Variants in LARP1B observed in about 807,000 individuals in gnomAD.
The protein encoded by LARP1B is La ribonucleoprotein 1B, also known as la-related protein 1B.
Under a neutral mutation model 114.2 loss-of-function variants are expected in LARP1B, and 76 were observed. The observed-to-expected ratio is 0.67, with a 90% CI of 0.55 to 0.81. The LOEUF (loss-of-function observed/expected upper bound fraction) is 0.81. Ranked by LOEUF, LARP1B falls within the 30% of genes least tolerant of loss-of-function variation. LARP1B has a pLI of 0.00. For missense variants in LARP1B, 1,014 were observed against 1,075.8 expected (o/e 0.94, Z 0.80); for synonymous variants, 345 against 348.0 (o/e 0.99, Z 0.10).
At chr4:128,221,622 T>C (rs1227092842) in intron 7 of LARP1B, among the ~76,000 whole-genome samples, 1 of 152,222 alleles carries the variant, frequency 6.6e-6, no homozygotes, top group Non-Finnish European at 1.5e-5. Flanking sequence ...TGTTTTAAGA[T>C]TCATTAGACT....
At chr4:128,155,216 G>A (rs1227426885) in intron 11 of LARP1B, among the ~76,000 whole-genome samples, 1 of 152,232 alleles carries the variant, frequency 6.6e-6, no homozygotes, top group Non-Finnish European at 1.5e-5. Flanking sequence ...AGTTGTGGTA[G>A]ACTGGCTAAT....
intron 12 of LARP1B, among the ~76,000 whole-genome samples, chr4:128,166,208 A>G (rs1021660082): frequency 6.6e-6 from 1 of 151,926 alleles, no homozygotes; most frequent in Non-Finnish European, 1.5e-5. Context: ...CCATTTTTCC[A>G]GTTGCACAGG....
chr4:128,070,585 C>T (rs771626070), intron 1 of LARP1B, among the ~76,000 whole-genome samples: 7 of 152,118 alleles, frequency 4.6e-5, no homozygotes, highest in South Asian at 2.1e-4. Context: ...TGCTTGAACC[C>T]GGGAGGCGGA....
chr4:128,136,982 AAAC>A (rs1186874223), intron 11 of LARP1B, among the ~76,000 whole-genome samples: 1 of 152,190 alleles, frequency 6.6e-6, no homozygotes, highest in Non-Finnish European at 1.5e-5. Flanking sequence ...TTTTTAAATT[AAAC>A]AACTCAGCAT....
At position 128,061,910 on chromosome 4, in the gene LARP1B, C is replaced by G. The variant is rs562473270; in HGVS notation, c.-78+509C>G. On this transcript the variant is annotated intron_variant, in intron 1 of 19. Transcript: ENST00000326639. Reference sequence around the variant, plus strand: ...GCCGTCGCCGGCGCTGGTGCTGGGACGCAGCGTGCCCCAGGCGGCTGTCCC... The same window carrying G: ...GCCGTCGCCGGCGCTGGTGCTGGGAGGCAGCGTGCCCCAGGCGGCTGTCCC... The G allele has an allele frequency of 2.4e-5, 24 of 985,224 alleles. No individual in the cohort carries two copies. The South Asian group carries it at 1.0e-3, about 42-fold the overall frequency. The allele number at this position is 985,224 out of a possible 1,614,324, so 61.0% of individuals were successfully genotyped here.
rs529085008 is a variant in LARP1B, at chr4:128,105,725, A to G, written c.814-1414A>G. ...GCCAACTTGGTGAAACCCCGTCTCT[A>G]CTAAAAGTACAAAAAAATTAGCCGG... On this transcript the variant is annotated intron_variant, in intron 8 of 19. Transcript: ENST00000326639. Among the ~76,000 whole-genome samples, 41 of 152,124 alleles carry G rather than the reference A, an allele frequency of 2.7e-4. No individual in the cohort carries two copies. In the East Asian group the frequency reaches 7.8e-3, roughly 29 times the overall value.
chr4:128,156,079 C>G, intron 11 of LARP1B: 2 of 1,598,912 alleles, frequency 1.3e-6, no homozygotes, highest in East Asian at 2.2e-5. Flanking sequence ...TCCTTTCACC[C>G]CCAGCCTGGT....
intron 19 of LARP1B, among the ~76,000 whole-genome samples, chr4:128,207,584 G>T (rs932116400): frequency 2.6e-5 from 4 of 152,172 alleles, no homozygotes; most frequent in African/African-American, 2.4e-5. Flanking sequence ...TTAACATCTT[G>T]TATAACCACA....
intron 11 of LARP1B, among the ~76,000 whole-genome samples, chr4:128,132,285 C>T (rs1489795183): frequency 6.6e-6 from 1 of 152,090 alleles, no homozygotes; most frequent in African/African-American, 2.4e-5. Context: ...TACTCTGTCG[C>T]CCTGGCTGGA....
rs1758738073 is a variant in LARP1B, at chr4:128,210,247, A to G, written c.*194A>G. The G allele has an allele frequency of 2.1e-6, 3 of 1,402,982 alleles. No individual in the cohort carries two copies. The highest frequency in any genetic ancestry group is 2.8e-6 in the Non-Finnish European group (3 of 1,083,066). 86.9% of individuals were successfully genotyped at this position (1,402,982 alleles called of 1,614,324 possible). A position where few individuals can be genotyped will look rare whatever the true frequency, so the allele number is the denominator to read the frequency against. Reference sequence around the variant, plus strand: ...GGTAGCATTTTTTCTAACAAGATAAATTCTAAAAATGTTTTCCCTGATTTC... The same window carrying G: ...GGTAGCATTTTTTCTAACAAGATAAGTTCTAAAAATGTTTTCCCTGATTTC... On this transcript the variant is annotated 3_prime_UTR_variant, in exon 20 of 20. Coordinates refer to ENST00000326639, the MANE Select transcript of LARP1B (RefSeq NM_018078.4).
chr4:128,120,360 T>C (rs1188925654), intron 10 of LARP1B, among the ~76,000 whole-genome samples: 1 of 152,198 alleles, frequency 6.6e-6, no homozygotes, highest in Non-Finnish European at 1.5e-5. Context: ...AACTACTTCC[T>C]TCTGTTGGGA....
intron 12 of LARP1B, among the ~76,000 whole-genome samples, chr4:128,176,420 AG>A (rs1343397100): frequency 6.6e-6 from 1 of 150,868 alleles, no homozygotes; most frequent in Non-Finnish European, 1.5e-5. Context: ...CAGCCTCCCG[AG>A]TAGCTGGGAT....
chr4:128,169,701 A>G (rs1450727265), intron 12 of LARP1B, among the ~76,000 whole-genome samples: 8 of 152,072 alleles, frequency 5.3e-5, no homozygotes, highest in Admixed American at 1.3e-4. Flanking sequence ...CAGTGGTACA[A>G]TCTCGGCTCA....
At chr4:128,185,011 T>TAC (rs1324344117) in intron 15 of LARP1B, among the ~76,000 whole-genome samples, 1 of 152,174 alleles carries the variant, frequency 6.6e-6, no homozygotes, top group Non-Finnish European at 1.5e-5. Flanking sequence ...TATACATATA[T>TAC]ACACATATAC....
At position 128,114,580 on chromosome 4, in the gene LARP1B, A is replaced by T. The variant is rs1453476814; in HGVS notation, c.999A>T (p.Pro333=). 1 of 1,611,040 alleles carries T rather than the reference A, an allele frequency of 6.2e-7. No homozygotes were observed. The highest frequency in any genetic ancestry group is 8.5e-7 in the Non-Finnish European group (1 of 1,178,804). The change falls in exon 10 of 20, where the codon CCA becomes CCT. Residue 333 remains proline (P), a synonymous_variant. Transcript: ENST00000326639. ...AACTTAAAATTTTAGAGTCTGCCCC[A>T]AATTCTCCAAGAATTGGAAGCCCAT... is the stretch of plus-strand genomic sequence containing the variant. ...QAFCSHTESA[P]NSPRIGSPLS...
chr4:128,116,393 CTG>C (rs1304747252), intron 10 of LARP1B, among the ~76,000 whole-genome samples: 4 of 152,124 alleles, frequency 2.6e-5, no homozygotes, highest in African/African-American at 9.7e-5. Flanking sequence ...ACAACTGTAT[CTG>C]AATGTATAAT....
At chr4:128,113,181 A>G (rs1326471054) in intron 9 of LARP1B, among the ~76,000 whole-genome samples, 2 of 152,154 alleles carry the variant, frequency 1.3e-5, no homozygotes, top group Admixed American at 1.3e-4. Context: ...CTTACAACAT[A>G]ATGTTACAGA....
intron 4 of LARP1B, 87 bp from the exon 5 acceptor site, chr4:128,082,078 A>T (rs1770723273): frequency 8.3e-7 from 1 of 1,207,214 alleles, no homozygotes; most frequent in African/African-American, 1.5e-5. Flanking sequence ...TGTTTCACTT[A>T]TTTGATTAAA....
chr4:128,210,275 A>C lies in LARP1B; in HGVS notation c.*222A>C. 7.3e-7 allele frequency: 1 copy of C among 1,367,982 alleles called. No homozygotes were observed. Among genetic ancestry groups the C allele is most frequent in the South Asian group, 1.7e-5 (1 of 58,322 alleles). 84.7% of individuals were successfully genotyped at this position (1,367,982 alleles called of 1,614,324 possible). A position where few individuals can be genotyped will look rare whatever the true frequency, so the allele number is the denominator to read the frequency against. On this transcript the variant is annotated 3_prime_UTR_variant, in exon 20 of 20. Transcript: ENST00000326639. ...CTAAAAATGTTTTCCCTGATTTCACAAACAAGGATAGTCTTGGTGACCTTT... is the reference window on the plus strand; with the variant it reads ...CTAAAAATGTTTTCCCTGATTTCACCAACAAGGATAGTCTTGGTGACCTTT...
Sources: allele counts gnomAD v4.1 joint callset (sites outside exome capture counted in the v4.1 genomes callset), GRCh38; gene constraint gnomAD v4.1.1; transcripts MANE v1.5; gene names NCBI Gene and HGNC (gene_info 2026-07-23, HGNC 2026-07-21).